The following SMARCA2 variants were observed in gnomAD, a reference collection of about 807,000 sequenced individuals.
The protein encoded by SMARCA2 is SWI/SNF-related matrix-associated actin-dependent regulator of chromatin subfamily A member 2.
A neutral mutation model predicts 199.8 loss-of-function variants in SMARCA2; 61 were observed. The observed-to-expected ratio is 0.31, with a 90% confidence interval of 0.25 to 0.38. The LOEUF is 0.38. SMARCA2 is among the 10% of genes least tolerant of loss of function. The pLI is 1.00. For synonymous variants in SMARCA2, 935 were observed against 732.0 expected (o/e 1.28, Z -4.48); for missense variants, 1,344 against 2,012.2 (o/e 0.67, Z 6.35).
intron 21 of SMARCA2, 87 bp downstream of exon 21, chr9:2,097,558 AAC>A: frequency 1.2e-6 from 1 of 814,460 alleles, no homozygotes; most frequent in Non-Finnish European, 2.0e-6. Context: ...GAAAAAAAAA[AAC>A]CAAAATAGAT....
chr9:2,108,531 T>C (rs1270973259), intron 23 of SMARCA2, among the ~76,000 whole-genome samples: 15 of 152,214 alleles, frequency 9.9e-5, no homozygotes, highest in Admixed American at 9.8e-4. Flanking sequence ...ATGTATAGTT[T>C]TGTACCCAGT....
At chr9:2,087,702 A>C (rs536689509) in intron 18 of SMARCA2, among the ~76,000 whole-genome samples, 124 of 152,312 alleles carry the variant, frequency 8.1e-4, no homozygotes, top group African/African-American at 2.9e-3. Flanking sequence ...CATTGCAAGA[A>C]AAGAAATGGG....
chr9:2,166,210 A>G (rs908152043), intron 28 of SMARCA2, among the ~76,000 whole-genome samples: 1 of 152,168 alleles, frequency 6.6e-6, no homozygotes, highest in Non-Finnish European at 1.5e-5. Context: ...ATGCCTAGAC[A>G]TTGGCCACAT....
intron 29 of SMARCA2, among the ~76,000 whole-genome samples, chr9:2,179,135 G>A (rs1826832585): frequency 6.6e-6 from 1 of 152,180 alleles, no homozygotes; most frequent in African/African-American, 2.4e-5. Flanking sequence ...CAGGCCTGGA[G>A]ACCTGGAATG....
intron 1 of SMARCA2, among the ~76,000 whole-genome samples, chr9:2,025,904 C>G (rs1282368301): frequency 6.6e-6 from 1 of 152,118 alleles, no homozygotes. Context: ...ACAGCAGATC[C>G]TAGGGCAGCC....
Position 2,123,675 on chromosome 9 carries a change from A to G in SMARCA2, c.3763-44A>G, listed in dbSNP as rs896173204. Reference sequence around the variant, plus strand: ...TGTAGTGCTGGGAAGTCTGCACCATACAGAAGCCCTGACTTTCGGTGACCC... The same window carrying G: ...TGTAGTGCTGGGAAGTCTGCACCATGCAGAAGCCCTGACTTTCGGTGACCC... On this transcript the variant is annotated intron_variant, in intron 26 of 33. Transcript: ENST00000349721. The surrounding 1 kb of genome is among the most constrained non-coding windows in gnomAD (Gnocchi z 4.1). 2 of 1,561,960 alleles carry G rather than the reference A, an allele frequency of 1.3e-6. No homozygotes were observed. The highest frequency in any genetic ancestry group is 1.8e-6 in the Non-Finnish European group (2 of 1,135,850).
chr9:2,162,415 A>C (rs991823938), intron 28 of SMARCA2, among the ~76,000 whole-genome samples: 2 of 152,202 alleles, frequency 1.3e-5, no homozygotes, highest in Non-Finnish European at 2.9e-5. Context: ...CTAATACCAC[A>C]TAGCATGGTC....
chr9:2,097,186 G>A (rs573891980), intron 20 of SMARCA2, 199 bp from the exon 21 acceptor site: 6 of 519,898 alleles, frequency 1.2e-5, no homozygotes, highest in African/African-American at 3.8e-5. Flanking sequence ...TTTTTGTAGC[G>A]TAAGTTAATC....
chr9:2,192,422 AAG>A, intron 33 of SMARCA2: 1 of 371,832 alleles, frequency 2.7e-6, no homozygotes, highest in Admixed American at 4.7e-5. Context: ...GGGGCTGAAA[AAG>A]AGAAAATATT....
chr9:2,165,200 C>T (rs749077563), intron 28 of SMARCA2, among the ~76,000 whole-genome samples: 4 of 152,152 alleles, frequency 2.6e-5, no homozygotes, highest in Admixed American at 6.5e-5. Flanking sequence ...AGGGCTCTGA[C>T]AGTCATGTAG....
chr9:2,052,653 A>T (rs1820176245), intron 5 of SMARCA2, among the ~76,000 whole-genome samples: 1 of 152,176 alleles, frequency 6.6e-6, no homozygotes, highest in Non-Finnish European at 1.5e-5. Context: ...CCTTACCACC[A>T]TTTTTAAATT....
rs185195563 is a variant in SMARCA2, at chr9:2,125,314, G to A, written c.3981+1377G>A. On this transcript the variant is annotated intron_variant, in intron 27 of 33. Coordinates refer to ENST00000349721, the MANE Select transcript of SMARCA2 (RefSeq NM_003070.5). ...CAGTGACCTCAGAATATGATTCTGT[G>A]AATTTTCTTTGTTTCACTATTGAGA... Among the ~76,000 whole-genome samples the A allele has an allele frequency of 6.3e-4, 96 of 152,228 alleles. 1 individual carries two copies. The highest frequency in any genetic ancestry group is 3.4e-3 in the Middle Eastern group (1 of 294).
At position 2,110,691 on chromosome 9, in the gene SMARCA2, T is replaced by C. The variant is rs979781907; in HGVS notation, c.3456+274T>C. On this transcript the variant is annotated intron_variant, in intron 24 of 33. Transcript: ENST00000349721. This position sits in a 1 kb window ranked among gnomAD's most constrained non-coding sequence, Gnocchi z 4.8. ...CTTGGGATTGCCATTGAACAAAGTA[T>C]ATTTAATGAGGGATAAGTCAAAAAT... 1.3e-5 allele frequency among the ~76,000 whole-genome samples: 2 copies of C among 152,242 alleles called. No homozygotes were observed. Among genetic ancestry groups the C allele is most frequent in the Non-Finnish European group, 2.9e-5 (2 of 68,040 alleles).
intron 9 of SMARCA2, among the ~76,000 whole-genome samples, chr9:2,064,549 C>T (rs566053564): frequency 9.8e-4 from 150 of 152,322 alleles, no homozygotes; most frequent in African/African-American, 3.5e-3. Context: ...TAAACCTTTA[C>T]TGCATATTCT....
chr9:2,174,741 T>C (rs1586792083), intron 29 of SMARCA2, among the ~76,000 whole-genome samples: 1 of 151,274 alleles, frequency 6.6e-6, no homozygotes, highest in Non-Finnish European at 1.5e-5. Flanking sequence ...GGCAAGATGG[T>C]GGAAGCCTGT....
intron 19 of SMARCA2, among the ~76,000 whole-genome samples, chr9:2,092,977 T>C (rs1822126169): frequency 6.6e-6 from 1 of 152,186 alleles, no homozygotes; most frequent in Non-Finnish European, 1.5e-5. Context: ...TGTGATTCAG[T>C]GTGGTGGCTG....
chr9:2,119,608 C>G lies in SMARCA2; in HGVS notation c.3762+73C>G, dbSNP rs7872935. The G allele has an allele frequency of 0.017, 17,456 of 1,023,680 alleles. 1,740 individuals carry two copies. The African/African-American group carries it at 0.23, about 14-fold the overall frequency. 63.4% of individuals were successfully genotyped at this position (1,023,680 alleles called of 1,614,324 possible). ...CTTTTTCTGTTAAGCAGAATGTCTG[C>G]AGCCTGCGTGCCTGGCAGAACTTCA... On this transcript the variant is annotated intron_variant, in intron 26 of 33. Coordinates refer to ENST00000349721, the MANE Select transcript of SMARCA2 (RefSeq NM_003070.5). This position sits in a 1 kb window ranked among gnomAD's most constrained non-coding sequence, Gnocchi z 4.6.
At position 2,086,348 on chromosome 9, in the gene SMARCA2, C is replaced by T. The variant is rs1245381941; in HGVS notation, c.2527-481C>T. 6.6e-6 allele frequency among the ~76,000 whole-genome samples: 1 copy of T among 152,170 alleles called. No homozygotes were observed. The highest frequency in any genetic ancestry group is 1.5e-5 in the Non-Finnish European group (1 of 68,024). On this transcript the variant is annotated intron_variant, in intron 17 of 33. Coordinates refer to ENST00000349721, the MANE Select transcript of SMARCA2 (RefSeq NM_003070.5). The surrounding 1 kb of genome is among the most constrained non-coding windows in gnomAD (Gnocchi z 4.3). ...GGCTAATAGAAAAGAAGGCATGGAG[C>T]CAAGAATATCTCAGCTGTAGAACCT...
chr9:2,108,625 G>A (rs1399240286), intron 23 of SMARCA2, among the ~76,000 whole-genome samples: 1 of 152,070 alleles, frequency 6.6e-6, no homozygotes. Flanking sequence ...TTCAGTTTAA[G>A]GCAGAGGAGA....
Sources: allele counts gnomAD v4.1 joint callset (sites outside exome capture counted in the v4.1 genomes callset), GRCh38; gene constraint gnomAD v4.1.1; non-coding constraint Gnocchi (gnomAD v3.1); transcripts MANE v1.5; gene names NCBI Gene and HGNC (gene_info 2026-07-23, HGNC 2026-07-21).